CDH18: variants seen among roughly 807,000 people sequenced by gnomAD.
CDH18 encodes cadherin 18.
CDH18 carries 31 observed loss-of-function variants against 67.9 expected under a neutral mutation model. The observed-to-expected ratio is 0.46, with a 90% confidence interval of 0.34 to 0.62. The LOEUF is 0.62. CDH18 is among the 20% of genes least tolerant of loss of function. The pLI, the probability that CDH18 is intolerant of heterozygous loss-of-function variation, is 0.01. For missense variants in CDH18, 890 were observed against 975.5 expected (o/e 0.91, Z 1.17); for synonymous variants, 362 against 347.2 (o/e 1.04, Z -0.48).
intron 2 of CDH18, among the ~76,000 whole-genome samples, chr5:19,999,993 T>C (rs1361864917): frequency 6.6e-6 from 1 of 152,174 alleles, no homozygotes; most frequent in Non-Finnish European, 1.5e-5. Context: ...TCATCTCTTT[T>C]GTTAATTAGG....
chr5:20,300,277 T>C (rs1236161198), intron 1 of CDH18, among the ~76,000 whole-genome samples: 1 of 145,768 alleles, frequency 6.9e-6, no homozygotes, highest in African/African-American at 2.5e-5. Context: ...GCCAAACATT[T>C]CCACATAGAT....
chr5:19,919,060 T>C (rs1042248908), intron 2 of CDH18, among the ~76,000 whole-genome samples: 59 of 152,072 alleles, frequency 3.9e-4, no homozygotes, highest in African/African-American at 1.3e-3. Flanking sequence ...GCTAGTGATT[T>C]AATCAACTCT....
At chr5:19,653,114 T>A (rs1219999381) in intron 5 of CDH18, among the ~76,000 whole-genome samples, 2 of 152,122 alleles carry the variant, frequency 1.3e-5, no homozygotes, top group African/African-American at 4.8e-5. Context: ...ACCAATATAT[T>A]AGGTTGTTGC....
chr5:20,165,900 T>C (rs1736243978), intron 2 of CDH18, among the ~76,000 whole-genome samples: 2 of 152,126 alleles, frequency 1.3e-5, no homozygotes, highest in Admixed American at 1.3e-4. Context: ...TTTTTCACAA[T>C]ACAATTTTTG....
intron 2 of CDH18, among the ~76,000 whole-genome samples, chr5:19,962,387 A>AAAAAAAAAAAAAAAAAC (rs1797004043): frequency 6.9e-6 from 1 of 145,154 alleles, no homozygotes; most frequent in Non-Finnish European, 1.5e-5. Context: ...GCAAAAAAAA[A>AAAAAAAAAAAAAAAAAC]AAAAAAAAAG....
Position 19,712,435 on chromosome 5 carries a change from A to G in CDH18, c.643+8912T>C, listed in dbSNP as rs189792157. Among the ~76,000 whole-genome samples the G allele has an allele frequency of 1.7e-3, 252 of 152,108 alleles. 1 individual carries two copies. The highest frequency in any genetic ancestry group is 5.9e-3 in the African/African-American group (244 of 41,540). ...CAGAGTAGAGAAGAAATGCCATATG[A>G]ACAAAAGGGCTACTGCTATGTTTTA... On this transcript the variant is annotated intron_variant, in intron 5 of 12. Coordinates refer to ENST00000382275, the MANE Select transcript of CDH18 (RefSeq NM_004934.5).
At chr5:20,561,512 C>A (rs980836218) in intron 1 of CDH18, among the ~76,000 whole-genome samples, 1 of 151,972 alleles carries the variant, frequency 6.6e-6, no homozygotes, top group African/African-American at 2.4e-5. Context: ...GACAAGGCTA[C>A]ATATTGTATG....
At chr5:19,863,019 G>A (rs984295287) in intron 2 of CDH18, among the ~76,000 whole-genome samples, 13 of 30,626 alleles carry the variant, frequency 4.2e-4, no homozygotes, top group African/African-American at 9.3e-4. Context: ...TTTTTTTAAC[G>A]GGGGAAAAAA....
At chr5:19,815,900 A>T (rs1331787659) in intron 3 of CDH18, among the ~76,000 whole-genome samples, 1 of 151,900 alleles carries the variant, frequency 6.6e-6, no homozygotes, top group Non-Finnish European at 1.5e-5. Context: ...CACACATGAT[A>T]GGACACAGGT....
intron 2 of CDH18, among the ~76,000 whole-genome samples, chr5:20,091,209 G>A (rs1305953211): frequency 2.0e-5 from 3 of 152,084 alleles, no homozygotes; most frequent in African/African-American, 7.2e-5. Flanking sequence ...TTTAAGGCCA[G>A]GCACAGTGGC....
chr5:20,381,154 T>C (rs911928759), intron 1 of CDH18, among the ~76,000 whole-genome samples: 6 of 152,100 alleles, frequency 3.9e-5, no homozygotes, highest in Admixed American at 2.6e-4. Context: ...GCCCGCCAAG[T>C]AGAGAAGGCA....
At chr5:19,802,661 CTA>C (rs1449734571) in intron 3 of CDH18, among the ~76,000 whole-genome samples, 1 of 152,074 alleles carries the variant, frequency 6.6e-6, no homozygotes, top group African/African-American at 2.4e-5. Flanking sequence ...AATCAATACT[CTA>C]TTGTGAAACT....
chr5:19,869,615 T>C (rs538448969), intron 2 of CDH18, among the ~76,000 whole-genome samples: 2 of 152,292 alleles, frequency 1.3e-5, no homozygotes, highest in African/African-American at 4.8e-5. Flanking sequence ...TGTCACTTTA[T>C]GACTTCTTGT....
intron 3 of CDH18, among the ~76,000 whole-genome samples, chr5:19,754,567 G>A (rs145758729): frequency 6.6e-6 from 1 of 152,194 alleles, no homozygotes; most frequent in East Asian, 1.9e-4. Flanking sequence ...AGAATAGTGG[G>A]GGATTTCAAT....
At chr5:19,811,215 G>A (rs1464965765) in intron 3 of CDH18, among the ~76,000 whole-genome samples, 1 of 148,800 alleles carries the variant, frequency 6.7e-6, no homozygotes, top group African/African-American at 2.5e-5. Context: ...AGGAAGGAAG[G>A]AAAGAAAAGA....
chr5:20,313,979 T>A (rs1001847059), intron 1 of CDH18, among the ~76,000 whole-genome samples: 1 of 151,986 alleles, frequency 6.6e-6, no homozygotes, highest in Non-Finnish European at 1.5e-5. Context: ...ACTTACTTAC[T>A]TTTTTTGTGT....
chr5:19,485,258 C>CT (rs397884499), intron 11 of CDH18, among the ~76,000 whole-genome samples: 12,767 of 137,374 alleles, frequency 0.093, 648 homozygotes, highest in African/African-American at 0.12. Context: ...GCTGTCTATT[C>CT]TTTTTTTTTT....
chr5:20,230,412 C>G (rs76570901), intron 2 of CDH18, among the ~76,000 whole-genome samples: 4,304 of 152,238 alleles, frequency 0.028, 222 homozygotes, highest in African/African-American at 0.098. Context: ...TTAACCATAT[C>G]ATGATGTGAT....
At position 19,851,462 on chromosome 5, in the gene CDH18, T is replaced by C. The variant is rs551963543; in HGVS notation, c.-256-12220A>G. Among the ~76,000 whole-genome samples, 6 of 149,774 alleles carry C rather than the reference T, an allele frequency of 4.0e-5. No individual in the cohort carries two copies. In the South Asian group the frequency reaches 1.3e-3, roughly 31 times the overall value. ...ACCCAAAAAACCCAAAATTCCCTTC[T>C]TCCCTTCTACCTTCCAAATGAATAT... On this transcript the variant is annotated intron_variant, in intron 2 of 12. Coordinates refer to ENST00000382275, the MANE Select transcript of CDH18 (RefSeq NM_004934.5).
Sources: gnomAD v4.1 joint callset for allele counts (sites outside exome capture counted in the v4.1 genomes callset) on GRCh38, gnomAD v4.1.1 for gene constraint, MANE v1.5 for transcripts, NCBI Gene and HGNC (gene_info 2026-07-23, HGNC 2026-07-21) for gene names.